ROPN1L: variants seen among roughly 807,000 people sequenced by gnomAD.
ROPN1L encodes the protein rhophilin associated tail protein 1 like.
A neutral mutation model predicts 22.7 loss-of-function variants in ROPN1L; 23 were observed. The ratio of observed to expected loss-of-function variants is 1.01; its 90% CI spans 0.73 to 1.43. ROPN1L has a LOEUF of 1.43. Among genes scored for constraint, ROPN1L ranks in the 40% most tolerant of loss-of-function variants. ROPN1L has a pLI of 0.00. For synonymous variants in ROPN1L, 116 were observed against 117.8 expected, an observed-to-expected ratio of 0.98 and a Z score of 0.10; for missense variants, 271 against 291.5, an observed-to-expected ratio of 0.93 and a Z score of 0.51.
At chr5:10,465,117 T>C (rs1033297032), downstream of ROPN1L, 18 of 444,080 alleles carry the variant, frequency 4.1e-5, no homozygotes, top group Middle Eastern at 5.3e-4. Flanking sequence ...CTGTGTCTTT[T>C]AGGGACCTTA....
intron 3 of ROPN1L, among the ~76,000 whole-genome samples, chr5:10,454,531 A>G (rs1313451772): frequency 6.6e-6 from 1 of 151,142 alleles, no homozygotes; most frequent in Admixed American, 6.6e-5. Flanking sequence ...TTTTTTTTTT[A>G]AGATAAGAAA....
intron 1 of ROPN1L, among the ~76,000 whole-genome samples, chr5:10,445,580 C>T (rs1262416842): frequency 1.3e-5 from 2 of 152,078 alleles, no homozygotes; most frequent in African/African-American, 4.8e-5. Flanking sequence ...AAAAGAAAAA[C>T]CATCAAAACC....
At chr5:10,455,435 C>T (rs1579649967) in intron 3 of ROPN1L, among the ~76,000 whole-genome samples, 5 of 152,182 alleles carry the variant, frequency 3.3e-5, no homozygotes, top group Middle Eastern at 3.2e-3. Context: ...TCCCTGAAGA[C>T]GAAGGAGCCG....
At chr5:10,470,259 T>G (rs1162862315) in intron 4 of ROPN1L, among the ~76,000 whole-genome samples, 1 of 151,724 alleles carries the variant, frequency 6.6e-6, no homozygotes, top group Non-Finnish European at 1.5e-5. Flanking sequence ...TCTATTATGT[T>G]GCTTTGTACA....
chr5:10,445,922 A>T (rs922150670), intron 1 of ROPN1L, among the ~76,000 whole-genome samples: 3 of 152,198 alleles, frequency 2.0e-5, no homozygotes, highest in Non-Finnish European at 4.4e-5. Context: ...GAGCCTGTCT[A>T]AAAAAGAAAA....
intron 3 of ROPN1L, among the ~76,000 whole-genome samples, chr5:10,455,959 A>G (rs1741409744): frequency 6.6e-6 from 1 of 152,162 alleles, no homozygotes; most frequent in Non-Finnish European, 1.5e-5. Context: ...TTCTGTGTAA[A>G]ACGGGCCTAT....
chr5:10,446,034 C>T (rs1461930791), intron 1 of ROPN1L, among the ~76,000 whole-genome samples: 4 of 152,240 alleles, frequency 2.6e-5, no homozygotes, highest in African/African-American at 9.6e-5. Context: ...CAAAGATGAG[C>T]CAGCCTCCCC....
At chr5:10,455,962 G>T (rs552872797) in intron 3 of ROPN1L, among the ~76,000 whole-genome samples, 5 of 151,096 alleles carry the variant, frequency 3.3e-5, no homozygotes, top group Admixed American at 1.3e-4. Flanking sequence ...TGTGTAAAAC[G>T]GGCCTATTTT....
At chr5:10,473,853 C>A (rs558184471), downstream of ROPN1L, among the ~76,000 whole-genome samples, 2 of 152,224 alleles carry the variant, frequency 1.3e-5, no homozygotes, top group East Asian at 3.9e-4. Context: ...GATAGACCTG[C>A]TCTAGAAAAA....
Position 10,461,308 on chromosome 5 carries a change from A to T in ROPN1L, c.542A>T (p.Asp181Val). The change falls in exon 4 of 5, where the codon GAT becomes GTT. Residue 181 changes from aspartate (D) to valine (V), a missense_variant. Physicochemically the swap from Asp to Val is radical, Grantham distance 152 (BLOSUM62 -3). Transcript: ENST00000274134. ...VYRYLARLDS[D>V]VSPLETESYL... is the part of the protein sequence containing the mutation. ...CGCTACTTGGCCAGATTAGACTCAG[A>T]TGTGTCTCCCTTGGAGACGGAATCC... is the stretch of plus-strand genomic sequence containing the variant. 6.2e-7 allele frequency: 1 copy of T among 1,614,128 alleles called. No homozygotes were observed. Among genetic ancestry groups the T allele is most frequent in the South Asian group, 1.1e-5 (1 of 91,088 alleles).
At chr5:10,458,068 G>C (rs1734885406) in intron 3 of ROPN1L, among the ~76,000 whole-genome samples, 1 of 152,044 alleles carries the variant, frequency 6.6e-6, no homozygotes, top group Non-Finnish European at 1.5e-5. Flanking sequence ...CTGAGTTCAG[G>C]CTGCCAAGGT....
chr5:10,476,353 C>T (rs1735317751), downstream of ROPN1L, among the ~76,000 whole-genome samples: 1 of 152,252 alleles, frequency 6.6e-6, no homozygotes, highest in African/African-American at 2.4e-5. Context: ...CGTGCCTCAT[C>T]ATTCTGCTTT....
At chr5:10,457,134 G>C (rs1418631949) in intron 3 of ROPN1L, among the ~76,000 whole-genome samples, 1 of 152,208 alleles carries the variant, frequency 6.6e-6, no homozygotes. Context: ...TCCTGGAGCG[G>C]TGCCTGCAGC....
downstream of ROPN1L, among the ~76,000 whole-genome samples, chr5:10,468,971 C>A (rs180991310): frequency 2.6e-5 from 4 of 151,452 alleles, no homozygotes; most frequent in South Asian, 4.2e-4. Context: ...CTGGCTAACA[C>A]GGTGAAACCC....
rs139890662 is a variant in ROPN1L, at chr5:10,451,759, A to G, written c.417+1646A>G. Among the ~76,000 whole-genome samples, 199 of 152,322 alleles carry G rather than the reference A, an allele frequency of 1.3e-3. 1 individual carries two copies. The highest frequency in any genetic ancestry group is 4.6e-3 in the African/African-American group (191 of 41,578). Reference sequence around the variant, plus strand: ...AGGTGCTTCCTGTCAGCCCCGGGCTAATTGTGCCAAGGCCTGGATGTTGGC... The same window carrying G: ...AGGTGCTTCCTGTCAGCCCCGGGCTGATTGTGCCAAGGCCTGGATGTTGGC... On this transcript the variant is annotated intron_variant, in intron 3 of 4. Coordinates refer to ENST00000274134, the MANE Select transcript of ROPN1L (RefSeq NM_031916.5).
downstream of ROPN1L, among the ~76,000 whole-genome samples, chr5:10,475,119 C>A (rs1231426367): frequency 6.6e-6 from 1 of 152,164 alleles, no homozygotes; most frequent in Non-Finnish European, 1.5e-5. Flanking sequence ...AGACATCTTT[C>A]CAGGGACGCC....
In ROPN1L at chr5:10,461,276, C is replaced by A; in HGVS notation, c.510C>A (p.Tyr170Ter). The stretch of plus-strand genomic sequence containing the variant: ...GCATCCCCTTCAAGACGTTTTCCTA[C>A]GTTTACCGCTACTTGGCCAGATTAG... ...PARIPFKTFSYVYRYLARLDS... is the reference protein window; with the variant it reads ...PARIPFKTFS Residue 170 changes from tyrosine to a stop codon, truncating the protein, a stop_gained, in exon 4 of 5, where the codon TAC (tyrosine) becomes TAA (stop). Coordinates refer to ENST00000274134, the MANE Select transcript of ROPN1L (RefSeq NM_031916.5). LOFTEE classifies it high-confidence loss of function. 8 of 1,614,156 alleles carry A rather than the reference C, an allele frequency of 5.0e-6. No homozygotes were observed. Among genetic ancestry groups the A allele is most frequent in the Non-Finnish European group, 5.9e-6 (7 of 1,180,030 alleles).
At chr5:10,458,167 G>T (rs1734888423) in intron 3 of ROPN1L, among the ~76,000 whole-genome samples, 2 of 152,016 alleles carry the variant, frequency 1.3e-5, no homozygotes, top group Non-Finnish European at 2.9e-5. Flanking sequence ...AGGAAATCCT[G>T]TGCCACCCGC....
At chr5:10,461,502 A>C in intron 4 of ROPN1L, 143 bp downstream of exon 4, 1 of 725,398 alleles carries the variant, frequency 1.4e-6, no homozygotes, top group Non-Finnish European at 2.3e-6. Context: ...GCTATGATCA[A>C]ATGTGTGGAG....
Sources: gnomAD v4.1 joint callset for allele counts (sites outside exome capture counted in the v4.1 genomes callset) on GRCh38, gnomAD v4.1.1 for gene constraint, MANE v1.5 for transcripts, NCBI Gene and HGNC (gene_info 2026-07-23, HGNC 2026-07-21) for gene names.